The following FOXP2 variants were observed in gnomAD, a reference collection of about 807,000 sequenced individuals.
FOXP2 encodes the protein forkhead box protein P2.
Under a neutral mutation model 115.8 loss-of-function variants are expected in FOXP2, and 12 were observed. The observed-to-expected ratio is 0.10, with a 90% CI of 0.07 to 0.17. FOXP2 has a LOEUF of 0.17. FOXP2 is among the 10% of genes least tolerant of loss of function. The probability of loss-of-function intolerance (pLI) is 1.00; values close to 1 mark genes in which losing one functional copy is unlikely to be tolerated. For missense variants in FOXP2, 629 were observed against 843.5 expected, an observed-to-expected ratio of 0.75 and a Z score of 3.15; for synonymous variants, 328 against 297.7, an observed-to-expected ratio of 1.10 and a Z score of -1.05.
chr7:114,596,375 G>A (rs1422692447), intron 3 of FOXP2, among the ~76,000 whole-genome samples: 2 of 151,992 alleles, frequency 1.3e-5, no homozygotes, highest in African/African-American at 4.8e-5. Context: ...GCTGTTTGGG[G>A]TGCCCAAATC....
intron 1 of FOXP2, among the ~76,000 whole-genome samples, chr7:114,283,849 C>A (rs558963608): frequency 6.6e-6 from 1 of 151,902 alleles, no homozygotes; most frequent in African/African-American, 2.4e-5. Context: ...GGAGTCCCAG[C>A]TACTTGTGGG....
chr7:114,525,822 C>T (rs932638350), intron 2 of FOXP2, among the ~76,000 whole-genome samples: 6 of 152,052 alleles, frequency 3.9e-5, no homozygotes, highest in African/African-American at 1.2e-4. Flanking sequence ...TTAAAACTTA[C>T]GATTTTTGGC....
rs192994221 is a variant in FOXP2 at position 114,421,114 on chromosome 7, A to G, written c.-10-5388A>G. ...TACAGAATCATAATGTTGCAGTAAA[A>G]TACATCTACATGGCCACCATTCTTT... On this transcript the variant is annotated intron_variant, in intron 1 of 16. Transcript: ENST00000350908. Among the ~76,000 whole-genome samples the G allele has an allele frequency of 7.9e-5, 12 of 151,816 alleles. No homozygotes were observed. In the East Asian group the frequency reaches 2.1e-3, roughly 27 times the overall value.
chr7:114,252,809 C>T (rs1428286119), intron 1 of FOXP2, among the ~76,000 whole-genome samples: 1 of 152,136 alleles, frequency 6.6e-6, no homozygotes, highest in Non-Finnish European at 1.5e-5. Context: ...CTGCTCTGAT[C>T]TTAGTTATTT....
intron 2 of FOXP2, among the ~76,000 whole-genome samples, chr7:114,293,655 T>C (rs867534301): frequency 1.3e-5 from 2 of 152,192 alleles, no homozygotes; most frequent in African/African-American, 4.8e-5. Context: ...GTTCTTGTGA[T>C]AGTGAGTTCT....
intron 1 of FOXP2, among the ~76,000 whole-genome samples, chr7:114,256,228 G>A (rs200130815): frequency 3.3e-5 from 5 of 151,928 alleles, no homozygotes; most frequent in Non-Finnish European, 5.9e-5. Flanking sequence ...TCAGCCTCCC[G>A]AGTAGCTGGG....
chr7:114,354,955 T>A (rs929279526), intron 2 of FOXP2, among the ~76,000 whole-genome samples: 2 of 152,226 alleles, frequency 1.3e-5, no homozygotes, highest in Admixed American at 6.5e-5. Flanking sequence ...TATTGCTTTT[T>A]CTGTCACTGT....
chr7:114,276,290 T>G (rs1228319434), intron 1 of FOXP2, among the ~76,000 whole-genome samples: 1 of 152,074 alleles, frequency 6.6e-6, no homozygotes, highest in African/African-American at 2.4e-5. Flanking sequence ...CCCGAGTAGC[T>G]GGGATTAAAG....
intron 1 of FOXP2, among the ~76,000 whole-genome samples, chr7:114,172,868 A>G (rs971093479): frequency 6.6e-6 from 1 of 152,150 alleles, no homozygotes; most frequent in Non-Finnish European, 1.5e-5. Flanking sequence ...AGGTAAAAAC[A>G]TAGAATTTAA....
chr7:114,372,409 T>C (rs1792034914), intron 2 of FOXP2, among the ~76,000 whole-genome samples: 1 of 152,114 alleles, frequency 6.6e-6, no homozygotes, highest in African/African-American at 2.4e-5. Context: ...CTATTAATAA[T>C]TAGGCTAGGA....
chr7:114,682,405 T>C (rs1301379639), intron 16 of FOXP2, among the ~76,000 whole-genome samples: 1 of 152,202 alleles, frequency 6.6e-6, no homozygotes, highest in Non-Finnish European at 1.5e-5. Flanking sequence ...TAGATAATTC[T>C]ACATGGGAAG....
chr7:114,571,622 G>A (rs1012151329), intron 3 of FOXP2, among the ~76,000 whole-genome samples: 4 of 151,772 alleles, frequency 2.6e-5, no homozygotes, highest in Non-Finnish European at 2.9e-5. Flanking sequence ...GGTTGCATCT[G>A]TACCGAAAAT....
At chr7:114,311,311 G>A (rs1386520121) in intron 2 of FOXP2, among the ~76,000 whole-genome samples, 2 of 152,146 alleles carry the variant, frequency 1.3e-5, no homozygotes, top group African/African-American at 4.8e-5. Flanking sequence ...ATGGATAAAG[G>A]TCAGTCTTCC....
chr7:114,191,961 G>T (rs1793771228), intron 1 of FOXP2, among the ~76,000 whole-genome samples: 1 of 152,026 alleles, frequency 6.6e-6, no homozygotes, highest in Non-Finnish European at 1.5e-5. Context: ...ATTTATTACT[G>T]TCTCTGTAGT....
intron 2 of FOXP2, among the ~76,000 whole-genome samples, chr7:114,471,158 G>A (rs1562946138): frequency 6.6e-6 from 1 of 152,016 alleles, no homozygotes; most frequent in Non-Finnish European, 1.5e-5. Context: ...ATTCAACTGT[G>A]TATTTCCCAC....
intron 1 of FOXP2, among the ~76,000 whole-genome samples, chr7:114,226,237 G>A (rs1794745836): frequency 6.6e-6 from 1 of 152,140 alleles, no homozygotes; most frequent in African/African-American, 2.4e-5. Flanking sequence ...TCAAGAAAAT[G>A]TTATGAAACA....
At chr7:114,539,444 C>T (rs756363300) in intron 3 of FOXP2, among the ~76,000 whole-genome samples, 7 of 151,580 alleles carry the variant, frequency 4.6e-5, no homozygotes, top group South Asian at 2.1e-4. Flanking sequence ...TTAAATAGAG[C>T]GATCTATTAT....
At chr7:114,480,556 T>C (rs1796480494) in intron 2 of FOXP2, among the ~76,000 whole-genome samples, 1 of 150,350 alleles carries the variant, frequency 6.7e-6, no homozygotes, top group Non-Finnish European at 1.5e-5. Context: ...CACATGTATA[T>C]ACACATATAC....
At chr7:114,245,697 A>G (rs1038266916) in intron 1 of FOXP2, among the ~76,000 whole-genome samples, 11 of 152,166 alleles carry the variant, frequency 7.2e-5, no homozygotes, top group Admixed American at 4.6e-4. Context: ...GCCGTGTATC[A>G]AGAGTTTTGT....
Sources: allele counts gnomAD v4.1 joint callset (sites outside exome capture counted in the v4.1 genomes callset), GRCh38; gene constraint gnomAD v4.1.1; transcripts MANE v1.5; gene names NCBI Gene and HGNC (gene_info 2026-07-23, HGNC 2026-07-21).